The following CEP295 variants were observed in gnomAD, a reference collection of about 807,000 sequenced individuals.
CEP295 encodes centrosomal protein of 295 kDa.
Under a neutral mutation model 291.6 loss-of-function variants are expected in CEP295, and 190 were observed. That is an observed-to-expected ratio of 0.65 (90% CI 0.58 to 0.73). The LOEUF (loss-of-function observed/expected upper bound fraction) is 0.73, where lower values mean the gene tolerates loss of function less well. Ranked by LOEUF, CEP295 falls within the 30% of genes least tolerant of loss-of-function variation. The pLI, the probability that CEP295 is intolerant of heterozygous loss-of-function variation, is 0.00. For synonymous variants in CEP295, 993 were observed against 1,038.8 expected (o/e 0.96, Z 0.85); for missense variants, 2,863 against 2,949.4 (o/e 0.97, Z 0.68).
At chr11:93,687,997 A>T in intron 10 of CEP295, 132 bp downstream of exon 10, 3 of 553,000 alleles carry the variant, frequency 5.4e-6, no homozygotes, top group Non-Finnish European at 9.2e-6. Flanking sequence ...AGCAACAAAG[A>T]AACATTATAA....
chr11:93,671,396 A>G (rs1445207052), intron 5 of CEP295, among the ~76,000 whole-genome samples: 1 of 151,884 alleles, frequency 6.6e-6, no homozygotes, highest in Non-Finnish European at 1.5e-5. Flanking sequence ...GATGTTCGTA[A>G]TATCTGAAAT....
intron 18 of CEP295, among the ~76,000 whole-genome samples, chr11:93,707,964 CTG>C (rs1250253181): frequency 6.6e-6 from 1 of 152,022 alleles, no homozygotes; most frequent in East Asian, 1.9e-4. Context: ...ATTAAAATAA[CTG>C]TAAAGGATAT....
At chr11:93,687,470 A>G (rs1951301184) in intron 9 of CEP295, among the ~76,000 whole-genome samples, 174 bp from the exon 10 acceptor site, 1 of 152,228 alleles carries the variant, frequency 6.6e-6, no homozygotes, top group Non-Finnish European at 1.5e-5. Flanking sequence ...ATTTCTAGTT[A>G]TAATGATTGG....
chr11:93,721,914 A>G (rs1235884714), intron 19 of CEP295, 40 bp from the exon 20 acceptor site: 2 of 1,406,314 alleles, frequency 1.4e-6, no homozygotes, highest in East Asian at 2.3e-5. Context: ...CTTACATACT[A>G]CTTGCTACAT....
In CEP295 at chr11:93,698,387, C is replaced by T. The variant is rs1951958968; in HGVS notation, c.3475C>T (p.Gln1159Ter). The change falls in exon 15 of 30, where the codon CAG (glutamine) becomes TAG (stop). Residue 1159 changes from glutamine to a stop codon, truncating the protein, a stop_gained. Coordinates refer to ENST00000325212, the MANE Select transcript of CEP295 (RefSeq NM_033395.2). LOFTEE classifies it high-confidence loss of function. Reference protein sequence around the residue: ...SLSFPQHSLAQQENLTILQEQ... With the variant: ...SLSFPQHSLA Reference sequence around the variant, plus strand: ...TAGTTTTCCACAGCATAGCCTGGCACAGCAAGAAAATTTGACAATACTCCA... The same window carrying T: ...TAGTTTTCCACAGCATAGCCTGGCATAGCAAGAAAATTTGACAATACTCCA... 1 of 1,552,018 alleles carries T rather than the reference C, an allele frequency of 6.4e-7. No homozygotes were observed.
intron 13 of CEP295, among the ~76,000 whole-genome samples, chr11:93,695,955 G>A (rs1415444895): frequency 6.6e-6 from 1 of 152,172 alleles, no homozygotes; most frequent in Admixed American, 6.5e-5. Flanking sequence ...AGGTTGCAGA[G>A]TGAGATTCCA....
chr11:93,682,958 C>T (rs1190200705), intron 7 of CEP295, among the ~76,000 whole-genome samples: 1 of 152,174 alleles, frequency 6.6e-6, no homozygotes, highest in African/African-American at 2.4e-5. Context: ...CCCTCCTTAC[C>T]TTCTACCACC....
At chr11:93,724,127 A>T (rs1953961925) in intron 21 of CEP295, 127 bp from the exon 22 acceptor site, 2 of 832,666 alleles carry the variant, frequency 2.4e-6, no homozygotes, top group Non-Finnish European at 1.8e-6. Context: ...TTTTTGTTAC[A>T]CTGGAGTTAC....
In CEP295 at chr11:93,668,863, A is replaced by G. The variant is rs1254605406; in HGVS notation, c.365A>G (p.Asp122Gly). The G allele has an allele frequency of 2.7e-6, 4 of 1,501,762 alleles. No homozygotes were observed. The highest frequency in any genetic ancestry group is 3.6e-6 in the Non-Finnish European group (4 of 1,110,596). 93.0% of individuals were successfully genotyped at this position (1,501,762 alleles called of 1,614,324 possible). Reference protein sequence around the residue: ...QRAAERKRKADLRHKEALKVQ... With the variant: ...QRAAERKRKAGLRHKEALKVQ... ...GCAGCAGAAAGGAAAAGAAAAGCAG[A>G]TTTGAGGCATAAAGAAGCCTTGAAA... is the stretch of plus-strand genomic sequence containing the variant. Residue 122 changes from aspartate (D) to glycine (G), a missense_variant, in exon 4 of 30, where the codon GAT (aspartate) becomes GGT (glycine). Coordinates refer to ENST00000325212, the MANE Select transcript of CEP295 (RefSeq NM_033395.2).
At position 93,697,029 on chromosome 11, in the gene CEP295, C is replaced by T; in HGVS notation, c.2117C>T (p.Ser706Leu). 1 of 1,551,532 alleles carries T rather than the reference C, an allele frequency of 6.4e-7. No homozygotes were observed. The highest frequency in any genetic ancestry group is 8.7e-7 in the Non-Finnish European group (1 of 1,146,968). Residue 706 changes from serine to leucine, a missense_variant, in exon 15 of 30, where the codon TCA (serine) becomes TTA (leucine). Ser to Leu is a moderately radical substitution (Grantham distance 145). Coordinates refer to ENST00000325212, the MANE Select transcript of CEP295 (RefSeq NM_033395.2). ...SDILTNQALESQEHLRQFSQT... is the reference protein window; with the variant it reads ...SDILTNQALELQEHLRQFSQT... ...ATTTTAACCAATCAAGCTTTAGAAT[C>T]ACAAGAACATCTAAGGCAATTCTCT...
chr11:93,720,473 CA>C (rs530395939), intron 18 of CEP295, among the ~76,000 whole-genome samples: 4,410 of 19,430 alleles, frequency 0.23, 185 homozygotes, highest in African/African-American at 0.33. Flanking sequence ...GAGTCTGCCT[CA>C]AAAAAAAAAA....
At chr11:93,696,090 A>G (rs555572431) in intron 13 of CEP295, among the ~76,000 whole-genome samples, 14 of 152,286 alleles carry the variant, frequency 9.2e-5, no homozygotes, top group African/African-American at 3.1e-4. Context: ...TTCAGTTTCT[A>G]TAGGATACTA....
intron 12 of CEP295, 129 bp downstream of exon 12, chr11:93,692,159 C>G: frequency 1.7e-6 from 1 of 601,126 alleles, no homozygotes; most frequent in Non-Finnish European, 3.0e-6. Context: ...TTGTCTTACA[C>G]AAACATTCAG....
At position 93,729,961 on chromosome 11, in the gene CEP295, G is replaced by A; in HGVS notation, c.7659G>A (p.Arg2553=). 1.3e-6 allele frequency: 2 copies of A among 1,533,534 alleles called. No individual in the cohort carries two copies. Among genetic ancestry groups the A allele is most frequent in the Non-Finnish European group, 1.8e-6 (2 of 1,142,228 alleles). 95.0% of individuals were successfully genotyped at this position (1,533,534 alleles called of 1,614,324 possible). Residue 2553 remains arginine, a synonymous_variant, in exon 28 of 30, where the codon AGG becomes AGA. Transcript: ENST00000325212. ...CTACACAGGCTCTAAGGCACCAAAGGGGTCTAAGGTAGGGTTAATTTTTTT... is the reference window on the plus strand; with the variant it reads ...CTACACAGGCTCTAAGGCACCAAAGAGGTCTAAGGTAGGGTTAATTTTTTT... ...RKTTQALRHQ[R]GLRLYNQLAE...
rs563277134 is a variant in CEP295, at chr11:93,697,522, G to T, written c.2610G>T (p.Gln870His). 1 of 1,551,816 alleles carries T rather than the reference G, an allele frequency of 6.4e-7. No individual in the cohort carries two copies. The highest frequency in any genetic ancestry group is 1.4e-5 in the African/African-American group (1 of 73,162). The change falls in exon 15 of 30, where the codon CAG (glutamine) becomes CAT (histidine). Residue 870 changes from glutamine to histidine, a missense_variant. Physicochemically the swap from Gln to His is conservative, Grantham distance 24. Around this residue, in one of 3 missense-constraint regions of CEP295, gnomAD observed 2,295 missense variants for 2,335.7 expected, o/e 0.98. Coordinates refer to ENST00000325212, the MANE Select transcript of CEP295 (RefSeq NM_033395.2). ...AGGCAACTCAGGAAGCTCAGGAACA[G>T]TTGCTTTTGTGCAAACAGAAAGAAG... ...VLQATQEAQEQLLLCKQKEVE... is the reference protein window; with the variant it reads ...VLQATQEAQEHLLLCKQKEVE...
At position 93,679,531 on chromosome 11, in the gene CEP295, G is replaced by A; in HGVS notation, c.744G>A (p.Met248Ile). ...EKAHVRGFQAMKKIHLAQNQE... is the reference protein window; with the variant it reads ...EKAHVRGFQAIKKIHLAQNQE... ...CACATGTACGGGGATTCCAAGCAAT[G>A]AAGAAGATCCATTTGGCTCAAGTAA... is the stretch of plus-strand genomic sequence containing the variant. The change falls in exon 7 of 30, where the codon ATG becomes ATA. Residue 248 changes from methionine (M) to isoleucine (I), a missense_variant. Transcript: ENST00000325212. 6.4e-7 allele frequency: 1 copy of A among 1,551,394 alleles called. No individual in the cohort carries two copies. The highest frequency in any genetic ancestry group is 1.2e-5 in the South Asian group (1 of 84,022).
Position 93,699,887 on chromosome 11 carries a change from C to G in CEP295, c.4975C>G (p.Pro1659Ala), listed in dbSNP as rs982371131. The G allele has an allele frequency of 6.4e-7, 1 of 1,551,852 alleles. No individual in the cohort carries two copies. The highest frequency in any genetic ancestry group is 8.7e-7 in the Non-Finnish European group (1 of 1,147,056). ...AACAGAGCATTCGTTTATTCCACTACCTTTTGCAGAAGCTAAACCTAAAAG... is the reference window on the plus strand; with the variant it reads ...AACAGAGCATTCGTTTATTCCACTAGCTTTTGCAGAAGCTAAACCTAAAAG... ...KETEHSFIPL[P>A]FAEAKPKSTC... Residue 1659 changes from proline to alanine, a missense_variant, in exon 15 of 30, where the codon CCT becomes GCT. Transcript: ENST00000325212.
chr11:93,688,259 ATGGC>A (rs1324924599), intron 10 of CEP295, among the ~76,000 whole-genome samples: 1 of 152,192 alleles, frequency 6.6e-6, no homozygotes, highest in Non-Finnish European at 1.5e-5. Context: ...GAGCATGTTA[ATGGC>A]TTTTGAGCGT....
intron 11 of CEP295, 58 bp from the exon 12 acceptor site, chr11:93,691,869 T>C: frequency 1.5e-6 from 2 of 1,302,522 alleles, no homozygotes; most frequent in Non-Finnish European, 1.1e-6. Flanking sequence ...AAGGGCATTA[T>C]AGTGGTGTCA....
Sources: gnomAD v4.1 joint callset for allele counts (sites outside exome capture counted in the v4.1 genomes callset) on GRCh38, gnomAD v4.1.1 for gene constraint, gnomAD v4.1.1 regional missense constraint, MANE v1.5 for transcripts, NCBI Gene and HGNC (gene_info 2026-07-23, HGNC 2026-07-21) for gene names.